Variants in GPR39 observed in about 807,000 individuals in gnomAD.
The protein encoded by GPR39 is G protein-coupled receptor 39.
In GPR39, 23 loss-of-function variants were observed where a neutral mutation model predicts 18.4. The ratio of observed to expected loss-of-function variants is 1.25; its 90% CI spans 0.90 to 1.77. GPR39 has a LOEUF of 1.77. Ranked by LOEUF, GPR39 falls within the 40% of genes most tolerant of loss-of-function variation. GPR39 has a pLI of 0.00. For missense variants in GPR39, 647 were observed against 602.4 expected, an observed-to-expected ratio of 1.07 and a Z score of -0.78; for synonymous variants, 280 against 257.9, an observed-to-expected ratio of 1.09 and a Z score of -0.82.
At chr2:132,492,641 T>TATATATATATAATATATATA (rs1558814490) in intron 1 of GPR39, among the ~76,000 whole-genome samples, 3 of 135,680 alleles carry the variant, frequency 2.2e-5, no homozygotes, top group Non-Finnish European at 4.6e-5. Flanking sequence ...ATACACACCA[T>TATATATATATAATATATATA]CTATATATAA....
At chr2:132,559,384 C>A (rs895720144) in intron 1 of GPR39, among the ~76,000 whole-genome samples, 3 of 152,064 alleles carry the variant, frequency 2.0e-5, no homozygotes, top group Non-Finnish European at 4.4e-5. Flanking sequence ...TTCTTTTAAA[C>A]AGGCGTGACT....
intron 1 of GPR39, among the ~76,000 whole-genome samples, chr2:132,422,719 T>C (rs1680038071): frequency 6.6e-6 from 1 of 152,084 alleles, no homozygotes; most frequent in Non-Finnish European, 1.5e-5. Context: ...CTATTTGTGA[T>C]AGCTTTCATA....
intron 1 of GPR39, among the ~76,000 whole-genome samples, chr2:132,476,275 G>A (rs1237199031): frequency 6.6e-6 from 1 of 152,116 alleles, no homozygotes; most frequent in Non-Finnish European, 1.5e-5. Flanking sequence ...TGGTTCCAAA[G>A]TTTCTGGTTC....
chr2:132,540,853 C>T (rs1248164868), intron 1 of GPR39, among the ~76,000 whole-genome samples: 2 of 151,978 alleles, frequency 1.3e-5, no homozygotes, highest in African/African-American at 4.8e-5. Context: ...ATTCTGTCCT[C>T]CAGATGAGCT....
At chr2:132,629,565 AACT>A (rs1262875746) in intron 1 of GPR39, among the ~76,000 whole-genome samples, 2 of 152,226 alleles carry the variant, frequency 1.3e-5, no homozygotes, top group Non-Finnish European at 2.9e-5. Flanking sequence ...GAAGTTAAAC[AACT>A]AGAGTTTTGT....
At position 132,471,772 on chromosome 2, in the gene GPR39, T is replaced by C. The variant is rs369206681; in HGVS notation, c.856+53874T>C. Among the ~76,000 whole-genome samples, 5 of 152,208 alleles carry C rather than the reference T, an allele frequency of 3.3e-5. No individual in the cohort carries two copies. The South Asian group carries it at 8.3e-4, about 25-fold the overall frequency. ...ATGGCAAAGATTAGTTAGCCCCAGGTCATTGTCGTACTTCCTTTGCAATAA... is the reference window on the plus strand; with the variant it reads ...ATGGCAAAGATTAGTTAGCCCCAGGCCATTGTCGTACTTCCTTTGCAATAA... On this transcript the variant is annotated intron_variant, in intron 1 of 1. Coordinates refer to ENST00000329321, the MANE Select transcript of GPR39 (RefSeq NM_001508.3).
intron 1 of GPR39, among the ~76,000 whole-genome samples, chr2:132,496,452 TAATC>T (rs1348729519): frequency 1.3e-5 from 2 of 152,280 alleles, no homozygotes; most frequent in Middle Eastern, 3.4e-3. Context: ...CCCAAAATAA[TAATC>T]AGTCACCTTA....
intron 1 of GPR39, among the ~76,000 whole-genome samples, chr2:132,588,008 T>G (rs768900821): frequency 2.6e-4 from 40 of 152,186 alleles, no homozygotes; most frequent in Non-Finnish European, 5.0e-4. Flanking sequence ...GGTGTCTTAC[T>G]TGGGCCTTCA....
rs187545659 is a variant in GPR39, at chr2:132,519,204, G to A, written c.856+101306G>A. Among the ~76,000 whole-genome samples, 198 of 152,234 alleles carry A rather than the reference G, an allele frequency of 1.3e-3. 2 individuals carry two copies. Among genetic ancestry groups the A allele is most frequent in the Admixed American group, 0.012 (181 of 15,290 alleles). ...CCATCCACCTCCCACACTAATAAAGGCAGAATAGATCCTCATAAATATCCT... is the reference window on the plus strand; with the variant it reads ...CCATCCACCTCCCACACTAATAAAGACAGAATAGATCCTCATAAATATCCT... On this transcript the variant is annotated intron_variant, in intron 1 of 1. Transcript: ENST00000329321.
In GPR39 at chr2:132,556,476, T is replaced by C. The variant is rs1027697913; in HGVS notation, c.857-88625T>C. ...ACACCATTGGCTCTAAGCAAGTTCTTTCCCTGCACATATGAATCAGAGAAA... is the reference window on the plus strand; with the variant it reads ...ACACCATTGGCTCTAAGCAAGTTCTCTCCCTGCACATATGAATCAGAGAAA... On this transcript the variant is annotated intron_variant, in intron 1 of 1. Coordinates refer to ENST00000329321, the MANE Select transcript of GPR39 (RefSeq NM_001508.3). Among the ~76,000 whole-genome samples, 6 of 152,160 alleles carry C rather than the reference T, an allele frequency of 3.9e-5. No homozygotes were observed. In the East Asian group the frequency reaches 7.7e-4, roughly 20 times the overall value.
intron 1 of GPR39, among the ~76,000 whole-genome samples, chr2:132,589,931 G>T (rs1342315929): frequency 6.6e-6 from 1 of 152,184 alleles, no homozygotes; most frequent in Non-Finnish European, 1.5e-5. Flanking sequence ...TGGGAGAAAA[G>T]GGCTGATGTG....
intron 1 of GPR39, among the ~76,000 whole-genome samples, chr2:132,491,240 C>T (rs1438857958): frequency 6.6e-6 from 1 of 152,120 alleles, no homozygotes; most frequent in Admixed American, 6.5e-5. Flanking sequence ...ACTGATCATT[C>T]ACAAGTGCCC....
chr2:132,443,890 G>C (rs1680481987), intron 1 of GPR39, among the ~76,000 whole-genome samples: 1 of 152,090 alleles, frequency 6.6e-6, no homozygotes, highest in Admixed American at 6.5e-5. Context: ...GGCAACATAG[G>C]GAAACCCTGT....
In GPR39 at chr2:132,460,720, C is replaced by CT. The variant is rs142574769; in HGVS notation, c.856+42832dup. Among the ~76,000 whole-genome samples, 340 of 149,892 alleles carry CT rather than the reference C, an allele frequency of 2.3e-3. 2 individuals are homozygous for CT. The highest frequency in any genetic ancestry group is 7.2e-3 in the African/African-American group (293 of 40,924). On this transcript the variant is annotated intron_variant, in intron 1 of 1. Coordinates refer to ENST00000329321, the MANE Select transcript of GPR39 (RefSeq NM_001508.3). Reference sequence around the variant, plus strand: ...CTGCCAACAATTTCTCTGTCTCTGTCTTTTTTTTTTCCTTACCTTTAACTT... The same window carrying CT: ...CTGCCAACAATTTCTCTGTCTCTGTCTTTTTTTTTTTCCTTACCTTTAACTT...
intron 1 of GPR39, among the ~76,000 whole-genome samples, chr2:132,509,945 T>G (rs949036907): frequency 1.3e-5 from 2 of 152,160 alleles, no homozygotes; most frequent in Non-Finnish European, 2.9e-5. Flanking sequence ...GAGGGGCTCT[T>G]GGAAGCCATT....
At chr2:132,606,806 G>A (rs1266793420) in intron 1 of GPR39, among the ~76,000 whole-genome samples, 2 of 152,158 alleles carry the variant, frequency 1.3e-5, no homozygotes, top group Admixed American at 1.3e-4. Context: ...GGGACAGAGC[G>A]GGAAGGTGGT....
At chr2:132,569,203 A>G (rs1237190564) in intron 1 of GPR39, among the ~76,000 whole-genome samples, 1 of 152,054 alleles carries the variant, frequency 6.6e-6, no homozygotes, top group Admixed American at 6.5e-5. Context: ...AATAATTGGA[A>G]AGAATAACAA....
intron 1 of GPR39, among the ~76,000 whole-genome samples, chr2:132,581,657 G>A (rs1005605621): frequency 6.6e-6 from 1 of 152,096 alleles, no homozygotes; most frequent in Non-Finnish European, 1.5e-5. Flanking sequence ...GCGGAGTGAG[G>A]CCCTTAGTTT....
intron 1 of GPR39, among the ~76,000 whole-genome samples, chr2:132,598,653 C>T (rs1430076475): frequency 3.3e-5 from 5 of 151,896 alleles, no homozygotes; most frequent in African/African-American, 1.2e-4. Flanking sequence ...GAAGGGCAGG[C>T]TAGATGGAAA....
Sources: gnomAD v4.1 joint callset for allele counts (sites outside exome capture counted in the v4.1 genomes callset) on GRCh38, gnomAD v4.1.1 for gene constraint, MANE v1.5 for transcripts, NCBI Gene and HGNC (gene_info 2026-07-23, HGNC 2026-07-21) for gene names.